Variants in FRK observed in about 807,000 individuals in gnomAD.
FRK encodes the protein tyrosine-protein kinase FRK.
A neutral mutation model predicts 56.4 loss-of-function variants in FRK; 51 were observed. That is an observed-to-expected ratio of 0.90 (90% CI 0.72 to 1.14). The LOEUF (loss-of-function observed/expected upper bound fraction) is 1.14, where lower values mean the gene tolerates loss of function less well. Ranked by LOEUF, FRK falls within the 50% of genes most tolerant of loss-of-function variation. FRK has a pLI of 0.00. For synonymous variants in FRK, 245 were observed against 217.9 expected, an observed-to-expected ratio of 1.12 and a Z score of -1.10; for missense variants, 570 against 601.4, an observed-to-expected ratio of 0.95 and a Z score of 0.55.
intron 1 of FRK, chr6:116,039,379 T>C: frequency 6.5e-7 from 1 of 1,529,102 alleles, no homozygotes; most frequent in Non-Finnish European, 9.0e-7. Context: ...TTATGGAGGC[T>C]CTGTGATGGG....
the FRK span, among the ~76,000 whole-genome samples, chr6:116,082,496 C>T: frequency 6.6e-6 from 1 of 152,056 alleles, no homozygotes; most frequent in South Asian, 2.1e-4. Context: ...AGCAGTGTAA[C>T]CACCTGGATC....
At chr6:116,092,573 C>T in the FRK span, among the ~76,000 whole-genome samples, 2 of 152,204 alleles carry the variant, frequency 1.3e-5, no homozygotes, top group Non-Finnish European at 2.9e-5. Flanking sequence ...GTAAGGGCCA[C>T]TAAATCCGAC....
chr6:115,981,167 T>C (rs948404469), intron 2 of FRK, among the ~76,000 whole-genome samples: 1 of 152,118 alleles, frequency 6.6e-6, no homozygotes, highest in African/African-American at 2.4e-5. Flanking sequence ...ATGGGAGCTT[T>C]GAAGCTTCGA....
chr6:116,093,928 T>A, the FRK span, among the ~76,000 whole-genome samples: 1 of 152,066 alleles, frequency 6.6e-6, no homozygotes, highest in Non-Finnish European at 1.5e-5. Context: ...TCTGGAGGCA[T>A]TATTAAACCT....
the FRK span, among the ~76,000 whole-genome samples, chr6:116,074,044 G>A: frequency 6.8e-6 from 1 of 148,124 alleles, no homozygotes; most frequent in South Asian, 2.1e-4. Context: ...TACTGCAGAC[G>A]CTCTTTCTAT....
rs1777588211 is a variant in FRK, at chr6:116,060,464, C to G, written c.-153G>C. ...AAAGTCCCGTTTCAGATCAGTCCAG[C>G]AGCTGGGTTGCAGCAAGTCCTACCT... On this transcript the variant is annotated 5_prime_UTR_variant, in exon 1 of 8. Transcript: ENST00000606080. 1.6e-6 allele frequency: 1 copy of G among 633,892 alleles called. No homozygotes were observed. Among genetic ancestry groups the G allele is most frequent in the African/African-American group, 1.8e-5 (1 of 54,612 alleles). The allele number at this position is 633,892 out of a possible 1,614,324, so 39.3% of individuals were successfully genotyped here.
intron 1 of FRK, among the ~76,000 whole-genome samples, chr6:116,016,336 G>C (rs1478996246): frequency 6.6e-6 from 1 of 152,134 alleles, no homozygotes; most frequent in East Asian, 1.9e-4. Flanking sequence ...TTCCTTATTT[G>C]AATGTTCCTA....
chr6:115,997,567 C>A (rs558799750), intron 2 of FRK, among the ~76,000 whole-genome samples: 2 of 152,286 alleles, frequency 1.3e-5, no homozygotes, highest in East Asian at 3.9e-4. Context: ...CCTCATTTAG[C>A]CAAAGCTACC....
intron 1 of FRK, among the ~76,000 whole-genome samples, chr6:116,054,715 G>T (rs921053030): frequency 2.6e-5 from 4 of 151,206 alleles, no homozygotes; most frequent in African/African-American, 9.7e-5. Context: ...TGACACATGG[G>T]CATTTAGTCT....
rs1582622677 is a variant in FRK, at chr6:115,938,955, G to A, written c.*3459C>T. 1 of 151,634 alleles carries A rather than the reference G, an allele frequency of 6.6e-6. No individual in the cohort carries two copies. Among genetic ancestry groups the A allele is most frequent in the South Asian group, 2.1e-4 (1 of 4,804 alleles). The allele number at this position is 151,634 out of a possible 1,614,324, so 9.4% of individuals were successfully genotyped here. ...CTATTCCAAACAATAGGAAAAGAGG[G>A]ACTCCTCCCTAACTCATTTTATGAG... On this transcript the variant is annotated 3_prime_UTR_variant, in exon 8 of 8. Coordinates refer to ENST00000606080, the MANE Select transcript of FRK (RefSeq NM_002031.3).
intron 1 of FRK, among the ~76,000 whole-genome samples, chr6:116,041,945 T>G (rs1473407328): frequency 3.9e-5 from 6 of 152,118 alleles, no homozygotes; most frequent in Non-Finnish European, 8.8e-5. Context: ...ATCCCAGTGG[T>G]CTAGCTCAGC....
chr6:115,949,542 C>T (rs989729369), intron 5 of FRK, among the ~76,000 whole-genome samples: 5 of 152,126 alleles, frequency 3.3e-5, no homozygotes, highest in African/African-American at 9.7e-5. Context: ...AGGACACAGA[C>T]AAATGGAAAA....
intron 3 of FRK, 139 bp downstream of exon 3, chr6:115,968,437 G>A (rs1773670248): frequency 1.3e-6 from 1 of 784,552 alleles, no homozygotes; most frequent in Non-Finnish European, 2.1e-6. Context: ...TGAGCTCATA[G>A]GCCATGGTTT....
chr6:116,039,552 C>T, intron 1 of FRK: 1 of 960,048 alleles, frequency 1.0e-6, no homozygotes, highest in Non-Finnish European at 1.7e-6. Context: ...AGCCCAGAAG[C>T]CCAGTAACTG....
upstream of FRK, among the ~76,000 whole-genome samples, chr6:116,061,729 C>T (rs201298488): frequency 1.3e-5 from 2 of 152,180 alleles, no homozygotes; most frequent in East Asian, 3.8e-4. Flanking sequence ...GTCATTTATA[C>T]TAGTAGACAG....
chr6:116,013,661 C>G (rs961625447), intron 1 of FRK, among the ~76,000 whole-genome samples: 3 of 152,054 alleles, frequency 2.0e-5, no homozygotes, highest in Admixed American at 2.0e-4. Flanking sequence ...ATTCTCTATA[C>G]GAATAAGCTT....
At chr6:116,020,297 T>G (rs1361545293) in intron 1 of FRK, among the ~76,000 whole-genome samples, 1 of 152,124 alleles carries the variant, frequency 6.6e-6, no homozygotes, top group Admixed American at 6.6e-5. Context: ...TCCTTTTTTT[T>G]GTTTTTTGTT....
At chr6:115,948,469 C>G (rs1772554017) in intron 5 of FRK, among the ~76,000 whole-genome samples, 1 of 152,058 alleles carries the variant, frequency 6.6e-6, no homozygotes, top group Admixed American at 6.6e-5. Flanking sequence ...CTTTAAGCCA[C>G]TAAGTTTTAC....
the FRK span, among the ~76,000 whole-genome samples, chr6:116,099,830 C>A: frequency 1.3e-5 from 2 of 152,186 alleles, no homozygotes; most frequent in Admixed American, 6.5e-5. Context: ...CCATTAGACA[C>A]ATTGTTCCTT....
Sources: gnomAD v4.1 joint callset for allele counts (sites outside exome capture counted in the v4.1 genomes callset) on GRCh38, gnomAD v4.1.1 for gene constraint, MANE v1.5 for transcripts, NCBI Gene and HGNC (gene_info 2026-07-23, HGNC 2026-07-21) for gene names.